The following C3orf52 variants were observed in gnomAD, a reference collection of about 807,000 sequenced individuals.
C3orf52 encodes the protein chromosome 3 open reading frame 52, also known as TPA-induced transmembrane protein.
A neutral mutation model predicts 24.8 loss-of-function variants in C3orf52; 22 were observed. The ratio of observed to expected loss-of-function variants is 0.89; its 90% CI spans 0.63 to 1.27. The LOEUF (loss-of-function observed/expected upper bound fraction) is 1.27, where lower values mean the gene tolerates loss of function less well. Among genes scored for constraint, C3orf52 ranks in the 50% most tolerant of loss-of-function variants. The pLI is 0.00. For missense variants in C3orf52, 265 were observed against 260.7 expected, an observed-to-expected ratio of 1.02 and a Z score of -0.11; for synonymous variants, 93 against 100.2, an observed-to-expected ratio of 0.93 and a Z score of 0.43.
chr3:112,112,849 A>G (rs934871550), intron 4 of C3orf52, 115 bp from the exon 5 acceptor site: 7 of 818,750 alleles, frequency 8.5e-6, no homozygotes, highest in Non-Finnish European at 1.5e-5. Flanking sequence ...ATTCTTTGCT[A>G]TTTTGTACTG....
At chr3:112,089,620 A>T (rs530713599) in intron 1 of C3orf52, among the ~76,000 whole-genome samples, 1 of 152,326 alleles carries the variant, frequency 6.6e-6, no homozygotes, top group South Asian at 2.1e-4. Context: ...GACAAGAATC[A>T]ACTGGCTCTT....
intron 3 of C3orf52, 80 bp downstream of exon 3, chr3:112,103,045 T>C (rs2073989135): frequency 7.7e-7 from 1 of 1,303,940 alleles, no homozygotes; most frequent in East Asian, 2.4e-5. Flanking sequence ...CATAGAGCTA[T>C]AGAGTAAGTA....
chr3:112,089,852 A>C (rs1328392015), intron 1 of C3orf52, among the ~76,000 whole-genome samples: 3 of 152,246 alleles, frequency 2.0e-5, no homozygotes, highest in Non-Finnish European at 4.4e-5. Context: ...ATATCCGGGG[A>C]ATGTTCATAG....
chr3:112,089,385 G>A (rs1207993543), intron 1 of C3orf52, among the ~76,000 whole-genome samples: 2 of 151,962 alleles, frequency 1.3e-5, no homozygotes, highest in Non-Finnish European at 2.9e-5. Flanking sequence ...AAAATTAGCC[G>A]GGTGTGGTGG....
chr3:112,123,222 C>T, downstream of C3orf52: 1 of 727,072 alleles, frequency 1.4e-6, no homozygotes, highest in East Asian at 3.0e-5. Context: ...CCATGTAGAA[C>T]CAAAGATGGT....
chr3:112,106,099 A>T (rs866432035), intron 3 of C3orf52, among the ~76,000 whole-genome samples: 1 of 152,164 alleles, frequency 6.6e-6, no homozygotes, highest in East Asian at 1.9e-4. Context: ...TCTCCCTTGT[A>T]AATGTGTTCA....
In C3orf52 at chr3:112,086,527, G is replaced by A. The variant is rs1260337861; in HGVS notation, c.120G>A (p.Glu40=). 1.3e-6 allele frequency: 2 copies of A among 1,551,194 alleles called. No individual in the cohort carries two copies. The highest frequency in any genetic ancestry group is 1.7e-6 in the Non-Finnish European group (2 of 1,146,694). Reference sequence around the variant, plus strand: ...ACAAGGTCTTCCCTTCTTTGGACGAGGAGGTCCCCCCGGCCGAGGTAAGGT... The same window carrying A: ...ACAAGGTCTTCCCTTCTTTGGACGAAGAGGTCCCCCCGGCCGAGGTAAGGT... ...GADKVFPSLD[E]EVPPAEANKE... is the part of the protein sequence containing the mutation. The change falls in exon 1 of 6, where the codon GAG becomes GAA. Residue 40 remains glutamate (E), a synonymous_variant. Coordinates refer to ENST00000264848, the MANE Select transcript of C3orf52 (RefSeq NM_024616.3).
At chr3:112,128,884 T>C (rs972461635), downstream of C3orf52, 4 of 152,286 alleles carry the variant, frequency 2.6e-5, no homozygotes, top group African/African-American at 9.7e-5. Flanking sequence ...CTTTATAAAG[T>C]AGTATCAGTT....
At chr3:112,092,774 T>C (rs997093304) in intron 1 of C3orf52, among the ~76,000 whole-genome samples, 1 of 152,202 alleles carries the variant, frequency 6.6e-6, no homozygotes, top group African/African-American at 2.4e-5. Context: ...TCATTTCCCT[T>C]CCCAACCCTT....
chr3:112,132,900 G>A, downstream of C3orf52: 1 of 567,104 alleles, frequency 1.8e-6, no homozygotes, highest in Non-Finnish European at 3.0e-6. Context: ...ATTCTTGGGA[G>A]AAGGCAAAAC....
At chr3:112,091,485 C>A (rs1275833706) in intron 1 of C3orf52, among the ~76,000 whole-genome samples, 1 of 152,070 alleles carries the variant, frequency 6.6e-6, no homozygotes, top group Non-Finnish European at 1.5e-5. Context: ...ACCTAACTCC[C>A]GAAAGGTGGG....
At chr3:112,101,630 T>C (rs554706824) in intron 2 of C3orf52, among the ~76,000 whole-genome samples, 1 of 152,320 alleles carries the variant, frequency 6.6e-6, no homozygotes, top group Non-Finnish European at 1.5e-5. Flanking sequence ...CTATATTAAC[T>C]CTTTTCTGCA....
At chr3:112,123,459 A>T (rs1244121141) in intron 4 of C3orf52, 6 of 1,613,672 alleles carry the variant, frequency 3.7e-6, no homozygotes, top group Non-Finnish European at 4.2e-6. Context: ...ACTTCACTAT[A>T]AATGGGAAAA....
intron 3 of C3orf52, among the ~76,000 whole-genome samples, chr3:112,107,426 G>T (rs2074036232): frequency 6.6e-6 from 1 of 152,338 alleles, no homozygotes; most frequent in African/African-American, 2.4e-5. Context: ...ATGACTGTCA[G>T]CCTATCGGCA....
At chr3:112,108,670 T>A (rs2074050113) in intron 3 of C3orf52, among the ~76,000 whole-genome samples, 1 of 152,328 alleles carries the variant, frequency 6.6e-6, no homozygotes, top group South Asian at 2.1e-4. Flanking sequence ...AGATTTACTT[T>A]ATGGGTAAAT....
chr3:112,092,516 A>T (rs1208876833), intron 1 of C3orf52, among the ~76,000 whole-genome samples: 1 of 152,224 alleles, frequency 6.6e-6, no homozygotes, highest in Non-Finnish European at 1.5e-5. Context: ...TGATGTGGAC[A>T]AAAGGGAAAG....
intron 5 of C3orf52, among the ~76,000 whole-genome samples, chr3:112,115,920 C>G: frequency 6.6e-6 from 1 of 152,110 alleles, no homozygotes; most frequent in East Asian, 1.9e-4. Context: ...TTCTTCACCT[C>G]CTAGATGAGT....
intron 5 of C3orf52, among the ~76,000 whole-genome samples, chr3:112,115,883 A>T (rs2074129440): frequency 6.6e-6 from 1 of 152,172 alleles, no homozygotes. Flanking sequence ...TAAGTCCATC[A>T]TCCCTCACCC....
chr3:112,105,738 G>T lies in C3orf52; in HGVS notation c.396+2773G>T, dbSNP rs560331919. 2.0e-5 allele frequency among the ~76,000 whole-genome samples: 3 copies of T among 151,242 alleles called. No individual in the cohort carries two copies. In the South Asian group the frequency reaches 6.3e-4, roughly 32 times the overall value. On this transcript the variant is annotated intron_variant, in intron 3 of 5. Coordinates refer to ENST00000264848, the MANE Select transcript of C3orf52 (RefSeq NM_024616.3). ...TACGGGAGGCTGAGGCAGGCGAATGGTGTGAACCCGGCAGGCAGAGCTTGC... is the reference window on the plus strand; with the variant it reads ...TACGGGAGGCTGAGGCAGGCGAATGTTGTGAACCCGGCAGGCAGAGCTTGC...
Sources: gnomAD v4.1 joint callset for allele counts (sites outside exome capture counted in the v4.1 genomes callset) on GRCh38, gnomAD v4.1.1 for gene constraint, MANE v1.5 for transcripts, NCBI Gene and HGNC (gene_info 2026-07-23, HGNC 2026-07-21) for gene names.